FOXO3: variants seen among roughly 807,000 people sequenced by gnomAD.
FOXO3 encodes forkhead box protein O3.
Under a neutral mutation model 41.9 loss-of-function variants are expected in FOXO3, and 4 were observed. That is an observed-to-expected ratio of 0.10 (90% CI 0.05 to 0.22). The LOEUF is 0.22. Ranked by LOEUF, FOXO3 falls within the 10% of genes least tolerant of loss-of-function variation. The pLI, the probability that FOXO3 is intolerant of heterozygous loss-of-function variation, is 1.00. For missense variants in FOXO3, 534 were observed against 906.8 expected (o/e 0.59, Z 5.28); for synonymous variants, 318 against 389.3 (o/e 0.82, Z 2.16).
intron 2 of FOXO3, among the ~76,000 whole-genome samples, chr6:108,677,545 C>G (rs1380835313): frequency 6.6e-6 from 1 of 152,184 alleles, no homozygotes; most frequent in Non-Finnish European, 1.5e-5. Flanking sequence ...ATAATTAATA[C>G]CCAAGGGAAC....
chr6:108,586,908 A>G (rs1776593405), intron 1 of FOXO3, among the ~76,000 whole-genome samples: 1 of 150,556 alleles, frequency 6.6e-6, no homozygotes, highest in Non-Finnish European at 1.5e-5. Flanking sequence ...TTTATTGAGC[A>G]CCATTCTCAC....
chr6:108,590,833 A>T (rs1776714563), intron 1 of FOXO3, among the ~76,000 whole-genome samples: 1 of 152,210 alleles, frequency 6.6e-6, no homozygotes, highest in Admixed American at 6.5e-5. Context: ...TCATTTTAGT[A>T]TTGGGATTGT....
chr6:108,578,068 T>G (rs888298340), intron 1 of FOXO3, among the ~76,000 whole-genome samples: 1 of 152,262 alleles, frequency 6.6e-6, no homozygotes, highest in African/African-American at 2.4e-5. Flanking sequence ...ACTGTTCTTT[T>G]GTGCAACCTA....
intron 1 of FOXO3, among the ~76,000 whole-genome samples, chr6:108,622,609 C>G (rs903683011): frequency 2.6e-5 from 4 of 152,080 alleles, no homozygotes; most frequent in Non-Finnish European, 5.9e-5. Flanking sequence ...CCTCCTCCCA[C>G]TCCAACTACC....
intron 1 of FOXO3, among the ~76,000 whole-genome samples, chr6:108,586,538 T>C (rs1280600902): frequency 1.3e-5 from 2 of 152,134 alleles, no homozygotes; most frequent in Admixed American, 1.3e-4. Flanking sequence ...TATGAATGGC[T>C]CCAAACTTAG....
At chr6:108,645,857 A>C (rs1778379751) in intron 1 of FOXO3, among the ~76,000 whole-genome samples, 1 of 152,216 alleles carries the variant, frequency 6.6e-6, no homozygotes, top group Admixed American at 6.5e-5. Flanking sequence ...AATTTATACT[A>C]AAGTTGAGAG....
At chr6:108,610,650 T>G (rs1047516889) in intron 1 of FOXO3, among the ~76,000 whole-genome samples, 3 of 152,208 alleles carry the variant, frequency 2.0e-5, no homozygotes, top group African/African-American at 7.2e-5. Context: ...TGTAAAACAG[T>G]GCAGAGAGCA....
At chr6:108,587,066 C>G (rs1408803452) in intron 1 of FOXO3, among the ~76,000 whole-genome samples, 1 of 151,378 alleles carries the variant, frequency 6.6e-6, no homozygotes, top group East Asian at 1.9e-4. Flanking sequence ...TCACCTTGGC[C>G]TCTCAAAGTG....
At chr6:108,563,592 T>C (rs748460033) in intron 1 of FOXO3, among the ~76,000 whole-genome samples, 1 of 152,244 alleles carries the variant, frequency 6.6e-6, no homozygotes, top group Non-Finnish European at 1.5e-5. Context: ...TTCTCTCACT[T>C]GAAATTTAGT....
At chr6:108,667,032 G>A (rs977252613) in intron 2 of FOXO3, among the ~76,000 whole-genome samples, 3 of 152,158 alleles carry the variant, frequency 2.0e-5, no homozygotes, top group Non-Finnish European at 4.4e-5. Flanking sequence ...GTCTCCTATG[G>A]TGAGCTCACT....
intron 1 of FOXO3, among the ~76,000 whole-genome samples, chr6:108,615,995 T>C (rs1056039619): frequency 1.3e-4 from 20 of 151,736 alleles, no homozygotes; most frequent in African/African-American, 4.8e-4. Context: ...TATAATTTTT[T>C]TTTTTCCTTT....
intron 1 of FOXO3, among the ~76,000 whole-genome samples, chr6:108,632,763 A>G (rs1171631205): frequency 6.6e-6 from 1 of 152,180 alleles, no homozygotes; most frequent in East Asian, 1.9e-4. Flanking sequence ...TACAGTGTAG[A>G]AAACGTCAAC....
chr6:108,669,813 C>T (rs575046486), intron 2 of FOXO3, among the ~76,000 whole-genome samples: 328 of 152,288 alleles, frequency 2.2e-3, no homozygotes, highest in Non-Finnish European at 3.9e-3. Flanking sequence ...CACCTGTTTT[C>T]ACCTCTGGCC....
At chr6:108,612,668 G>A (rs776399407) in intron 1 of FOXO3, among the ~76,000 whole-genome samples, 7 of 150,732 alleles carry the variant, frequency 4.6e-5, no homozygotes, top group East Asian at 1.9e-4. Flanking sequence ...TGACAATAGC[G>A]AAACTCTGTC....
Position 108,680,957 on chromosome 6 carries a change from TGA to T in FOXO3, c.*1169_*1170del, listed in dbSNP as rs1308077621. ...ATCTGATCTGCTAGAAGTGTATGAG[TGA>T]GAGGCAATAGCATACAAACTGATTT... On this transcript the variant is annotated 3_prime_UTR_variant, in exon 3 of 3. Transcript: ENST00000406360. The T allele has an allele frequency of 6.6e-6, 1 of 152,636 alleles. No homozygotes were observed. Among genetic ancestry groups the T allele is most frequent in the African/African-American group, 2.4e-5 (1 of 41,462 alleles). The allele number at this position is 152,636 out of a possible 1,614,324, so 9.5% of individuals were successfully genotyped here.
intron 1 of FOXO3, among the ~76,000 whole-genome samples, chr6:108,580,734 T>A (rs1776394494): frequency 6.6e-6 from 1 of 152,244 alleles, no homozygotes; most frequent in African/African-American, 2.4e-5. Flanking sequence ...AAAGGGAGTT[T>A]GCATGATCCG....
chr6:108,573,808 G>A (rs1016144648), intron 1 of FOXO3, among the ~76,000 whole-genome samples: 2 of 151,974 alleles, frequency 1.3e-5, no homozygotes, highest in African/African-American at 2.4e-5. Context: ...CAGCCTGGGG[G>A]ACAAGAGCAA....
chr6:108,643,592 G>C (rs957781957), intron 1 of FOXO3, among the ~76,000 whole-genome samples: 2 of 152,096 alleles, frequency 1.3e-5, no homozygotes, highest in African/African-American at 4.8e-5. Context: ...GGAATGAGAG[G>C]GCTGTTCAGT....
At chr6:108,582,026 T>C (rs1169095758) in intron 1 of FOXO3, among the ~76,000 whole-genome samples, 1 of 152,142 alleles carries the variant, frequency 6.6e-6, no homozygotes, top group Non-Finnish European at 1.5e-5. Context: ...GGCTGCATAC[T>C]CTCCAAGAAA....
Sources: gnomAD v4.1 joint callset for allele counts (sites outside exome capture counted in the v4.1 genomes callset) on GRCh38, gnomAD v4.1.1 for gene constraint, MANE v1.5 for transcripts, NCBI Gene and HGNC (gene_info 2026-07-23, HGNC 2026-07-21) for gene names.